Variants in NUTF2 observed in about 807,000 individuals in gnomAD.
NUTF2 encodes the protein nuclear transport factor 2.
NUTF2 carries 3 observed loss-of-function variants against 18.5 expected under a neutral mutation model. That is an observed-to-expected ratio of 0.16 (90% confidence interval 0.07 to 0.42). NUTF2 has a LOEUF of 0.42. Ranked by LOEUF, NUTF2 falls within the 10% of genes least tolerant of loss-of-function variation. The pLI is 0.99. For missense variants in NUTF2, 44 were observed against 160.7 expected, an observed-to-expected ratio of 0.27 and a Z score of 3.93; for synonymous variants, 51 against 57.9, an observed-to-expected ratio of 0.88 and a Z score of 0.54.
chr16:67,866,905 G>T (rs2151300488), intron 2 of NUTF2, among the ~76,000 whole-genome samples: 1 of 152,086 alleles, frequency 6.6e-6, no homozygotes, highest in South Asian at 2.1e-4. Flanking sequence ...ACCATGCCCA[G>T]CATAGAGTTT....
intron 2 of NUTF2, among the ~76,000 whole-genome samples, chr16:67,867,060 C>T (rs1209858829): frequency 6.6e-6 from 1 of 152,014 alleles, no homozygotes; most frequent in Admixed American, 6.6e-5. Flanking sequence ...CATCCTCTGC[C>T]TCCCAGGTTC....
At chr16:67,853,767 T>C (rs951819365) in intron 1 of NUTF2, among the ~76,000 whole-genome samples, 1 of 152,028 alleles carries the variant, frequency 6.6e-6, no homozygotes, top group African/African-American at 2.4e-5. Context: ...TGCCTCAGCC[T>C]CCCAAAGTCC....
chr16:67,863,583 C>T (rs556024727), intron 1 of NUTF2, among the ~76,000 whole-genome samples: 1 of 152,310 alleles, frequency 6.6e-6, no homozygotes, highest in South Asian at 2.1e-4. Context: ...TTCACAACCA[C>T]CGGCACTGTC....
intron 1 of NUTF2, among the ~76,000 whole-genome samples, chr16:67,855,035 T>C (rs898741194): frequency 1.3e-4 from 19 of 151,952 alleles, no homozygotes; most frequent in Non-Finnish European, 2.5e-4. Context: ...ATTAATGTTT[T>C]GATAGGGCAT....
At chr16:67,868,818 C>G (rs1412107056) in intron 4 of NUTF2, 2 of 440,926 alleles carry the variant, frequency 4.5e-6, no homozygotes, top group South Asian at 2.4e-5. Context: ...TTCGGTTGTA[C>G]TAGCCATATA....
intron 1 of NUTF2, among the ~76,000 whole-genome samples, chr16:67,850,207 TC>T (rs200501136): frequency 1.3e-4 from 20 of 150,938 alleles, no homozygotes; most frequent in African/African-American, 4.2e-4. Flanking sequence ...CCCTGTAACT[TC>T]TTTTTTTTTT....
chr16:67,850,989 T>C (rs1014547248), intron 1 of NUTF2, among the ~76,000 whole-genome samples: 2 of 150,468 alleles, frequency 1.3e-5, no homozygotes, highest in African/African-American at 2.5e-5. Flanking sequence ...TTAGTAGAGA[T>C]GGGGTTTCAC....
At chr16:67,866,288 TGTCATTATCATAGTAGA>T (rs2057970930) in intron 2 of NUTF2, among the ~76,000 whole-genome samples, 1 of 151,940 alleles carries the variant, frequency 6.6e-6, no homozygotes, top group Non-Finnish European at 1.5e-5. Context: ...GATATTTGAT[TGTCATTATCATAGTAGA>T]GTTTTTTTTT....
Position 67,868,495 on chromosome 16 carries a change from T to TTG in NUTF2, c.172-4_172-3dup. On this transcript the variant is annotated splice_region_variant and splice_polypyrimidine_tract_variant and intron_variant, in intron 3 of 4. Coordinates refer to ENST00000219169, the MANE Select transcript of NUTF2 (RefSeq NM_005796.3). Reference sequence around the variant, plus strand: ...GTTCTCCCACCTCCCACTCTCTCTCTTGTAGAGCCTTCCGTTCCAGAAAAT... The same window carrying TTG: ...GTTCTCCCACCTCCCACTCTCTCTCTTGTGTAGAGCCTTCCGTTCCAGAAAAT... 1.9e-6 allele frequency: 3 copies of TTG among 1,613,532 alleles called. No homozygotes were observed. Among genetic ancestry groups the TTG allele is most frequent in the Non-Finnish European group, 2.5e-6 (3 of 1,179,496 alleles).
chr16:67,862,027 A>C (rs889470174), intron 1 of NUTF2, among the ~76,000 whole-genome samples: 1 of 152,006 alleles, frequency 6.6e-6, no homozygotes, highest in Admixed American at 6.6e-5. Context: ...TTGTGTCTGT[A>C]TGTAGCTGGA....
intron 1 of NUTF2, among the ~76,000 whole-genome samples, chr16:67,852,004 G>A (rs756483994): frequency 6.6e-6 from 1 of 151,474 alleles, no homozygotes; most frequent in South Asian, 2.1e-4. Context: ...CAACAACAGC[G>A]AAACTCCATC....
At chr16:67,851,384 G>A (rs1344453738) in intron 1 of NUTF2, among the ~76,000 whole-genome samples, 1 of 152,032 alleles carries the variant, frequency 6.6e-6, no homozygotes, top group Non-Finnish European at 1.5e-5. Context: ...GGGAGGCTGA[G>A]GCAGGAGAAT....
chr16:67,861,074 G>T lies in NUTF2; in HGVS notation c.-29-4028G>T, dbSNP rs534006852. Among the ~76,000 whole-genome samples, 4 of 152,318 alleles carry T rather than the reference G, an allele frequency of 2.6e-5. No homozygotes were observed. In the South Asian group the frequency reaches 6.2e-4, roughly 24 times the overall value. On this transcript the variant is annotated intron_variant, in intron 1 of 4. Transcript: ENST00000219169. Reference sequence around the variant, plus strand: ...AGGAGTGCTCTCACTGATGTAGTCTGTTCTTGTCTCCAGGCCCACGTTGTC... The same window carrying T: ...AGGAGTGCTCTCACTGATGTAGTCTTTTCTTGTCTCCAGGCCCACGTTGTC...
intron 1 of NUTF2, 174 bp downstream of exon 1, chr16:67,847,159 G>C (rs970199497): frequency 1.3e-5 from 2 of 148,616 alleles, no homozygotes; most frequent in Non-Finnish European, 3.0e-5. Flanking sequence ...GCCTCCCGCC[G>C]GTCCTGTGAG....
chr16:67,860,560 T>A (rs2057928696), intron 1 of NUTF2, among the ~76,000 whole-genome samples: 1 of 152,232 alleles, frequency 6.6e-6, no homozygotes, highest in African/African-American at 2.4e-5. Context: ...TGTGAGCTAC[T>A]ATGCCCAGCC....
chr16:67,856,094 AG>A (rs1853716487), intron 1 of NUTF2: 3 of 563,290 alleles, frequency 5.3e-6, no homozygotes, highest in Non-Finnish European at 1.0e-5. Context: ...GAAGGTGGAC[AG>A]GTGTATGGAC....
intron 1 of NUTF2, among the ~76,000 whole-genome samples, chr16:67,858,853 T>C (rs1201190161): frequency 6.6e-6 from 1 of 151,186 alleles, no homozygotes; most frequent in African/African-American, 2.4e-5. Context: ...GTCTGGTTGC[T>C]GCTGCTCTGC....
intron 2 of NUTF2, among the ~76,000 whole-genome samples, chr16:67,866,756 C>T (rs796937176): frequency 2.7e-4 from 41 of 151,802 alleles, no homozygotes; most frequent in African/African-American, 8.2e-4. Context: ...CATAAGCCAC[C>T]GCGCCCGGCT....
At position 67,871,098 on chromosome 16, in the gene NUTF2, C is replaced by T. The variant is rs921604774; in HGVS notation, c.*185C>T. On this transcript the variant is annotated 3_prime_UTR_variant, in exon 5 of 5. Coordinates refer to ENST00000219169, the MANE Select transcript of NUTF2 (RefSeq NM_005796.3). ...TGGATGCTAGACTAGTTGCATCTGA[C>T]GGGAGAAGTTTGTGTTGTACCAGCG... 9 of 506,064 alleles carry T rather than the reference C, an allele frequency of 1.8e-5. No homozygotes were observed. The highest frequency in any genetic ancestry group is 2.8e-5 in the Non-Finnish European group (8 of 280,890). The allele number at this position is 506,064 out of a possible 1,614,324, so 31.3% of individuals were successfully genotyped here.
Sources: allele counts gnomAD v4.1 joint callset (sites outside exome capture counted in the v4.1 genomes callset), GRCh38; gene constraint gnomAD v4.1.1; transcripts MANE v1.5; gene names NCBI Gene and HGNC (gene_info 2026-07-23, HGNC 2026-07-21).